DIAPH2: variants seen among roughly 807,000 people sequenced by gnomAD.
DIAPH2 encodes the protein protein diaphanous homolog 2.
Under a neutral mutation model 92.7 loss-of-function variants are expected in DIAPH2, and 35 were observed. The observed-to-expected ratio is 0.38, with a 90% CI of 0.29 to 0.50. The LOEUF (loss-of-function observed/expected upper bound fraction) is 0.50, where lower values mean the gene tolerates loss of function less well. DIAPH2 is among the 20% of genes least tolerant of loss of function. The pLI, the probability that DIAPH2 is intolerant of heterozygous loss-of-function variation, is 0.94. For missense variants in DIAPH2, 701 were observed against 819.5 expected (o/e 0.86, Z 1.77); for synonymous variants, 301 against 280.4 (o/e 1.07, Z -0.73).
At chrX:96,840,557 C>T (rs1251708203) in intron 4 of DIAPH2, among the ~76,000 whole-genome samples, 1 of 111,255 alleles carries the variant, frequency 9.0e-6, no homozygotes, top group Non-Finnish European at 1.9e-5. Context: ...TCTTACATTT[C>T]TTTCTCTCTT....
chrX:96,693,997 T>C (rs536538575), intron 1 of DIAPH2, among the ~76,000 whole-genome samples: 1 of 112,709 alleles, frequency 8.9e-6, no homozygotes, highest in African/African-American at 3.2e-5. Context: ...ATTGCACCAT[T>C]GTACTCTAGC....
chrX:97,161,430 T>C (rs1014185059), intron 22 of DIAPH2, among the ~76,000 whole-genome samples: 3 of 110,434 alleles, frequency 2.7e-5, no homozygotes, highest in African/African-American at 9.9e-5. Context: ...TTGAGAAGTC[T>C]CACTCTGTCA....
chrX:96,919,864 ATTATTTATTTAT>A (rs60595365), intron 9 of DIAPH2, among the ~76,000 whole-genome samples: 90 of 100,250 alleles, frequency 9.0e-4, no homozygotes, highest in Middle Eastern at 0.01. Flanking sequence ...TGTCAAATGT[ATTATTTATTTAT>A]TTATTTATTT....
chrX:97,131,812 A>G (rs899967669), intron 21 of DIAPH2, among the ~76,000 whole-genome samples: 1 of 112,438 alleles, frequency 8.9e-6, no homozygotes, highest in Non-Finnish European at 1.9e-5. Flanking sequence ...AGCATATGAA[A>G]GTACCAGAAC....
At position 97,186,420 on chromosome X, in the gene DIAPH2, G is replaced by C. The variant is rs183717835; in HGVS notation, c.2719+44626G>C. On this transcript the variant is annotated intron_variant, in intron 22 of 26. Coordinates refer to ENST00000324765, the MANE Select transcript of DIAPH2 (RefSeq NM_006729.5). The stretch of plus-strand genomic sequence containing the variant: ...CTGTACTAATATCCAGTTCTTATGC[G>C]TGTTCCTTTCCCACAATGGTATCCA... Among the ~76,000 whole-genome samples, 324 of 111,320 alleles carry C rather than the reference G, an allele frequency of 2.9e-3. 1 individual carries two copies. The highest frequency in any genetic ancestry group is 0.019 in the Middle Eastern group (4 of 216).
At chrX:97,332,600 GTAGGAAAAATACTTATAAAA>G (rs2069011207) in intron 23 of DIAPH2, among the ~76,000 whole-genome samples, 1 of 111,602 alleles carries the variant, frequency 9.0e-6, no homozygotes, top group Non-Finnish European at 1.9e-5. Flanking sequence ...GAAAATAAGT[GTAGGAAAAATACTTATAAAA>G]TGGGAAAAAT....
intron 22 of DIAPH2, among the ~76,000 whole-genome samples, chrX:97,176,797 G>A (rs1202293921): frequency 8.1e-5 from 9 of 111,725 alleles, no homozygotes; most frequent in African/African-American, 2.9e-4. Flanking sequence ...AAAGTGCTGG[G>A]ATTACAGGCG....
intron 5 of DIAPH2, chrX:96,884,197 C>T: frequency 3.4e-6 from 2 of 580,416 alleles, no homozygotes; most frequent in Non-Finnish European, 5.3e-6. Context: ...GCCTTTCGGA[C>T]AGCTCGAAGC....
Position 96,996,307 on chromosome X carries a change from A to T in DIAPH2, c.2050+31100A>T, listed in dbSNP as rs186835431. ...GATTGACCTAGTTAATTTTAATTTC[A>T]TACAATTCATAAAAGTTATGTTAGT... On this transcript the variant is annotated intron_variant, in intron 17 of 26. Transcript: ENST00000324765. 1.2e-4 allele frequency among the ~76,000 whole-genome samples: 13 copies of T among 112,365 alleles called. No individual in the cohort carries two copies. The East Asian group carries it at 3.6e-3, about 31-fold the overall frequency.
In DIAPH2 at chrX:97,440,003, T is replaced by C. The variant is rs917710528; in HGVS notation, c.3241+10258T>C. The stretch of plus-strand genomic sequence containing the variant: ...AACATCCAGGTGATAGTTAATAACA[T>C]GAGGGTGGGTCAGATAATCTCTGGA... On this transcript the variant is annotated intron_variant, in intron 26 of 26. Transcript: ENST00000324765. Among the ~76,000 whole-genome samples the C allele has an allele frequency of 2.7e-5, 3 of 110,897 alleles. No homozygotes were observed. The Admixed American group carries it at 2.9e-4, about 11-fold the overall frequency.
intron 4 of DIAPH2, among the ~76,000 whole-genome samples, chrX:96,766,227 A>G (rs1602490638): frequency 9.2e-6 from 1 of 108,578 alleles, no homozygotes; most frequent in Non-Finnish European, 1.9e-5. Flanking sequence ...ATATATATAT[A>G]TACACATATA....
chrX:97,553,667 TAAA>T lies in DIAPH2; in HGVS notation c.3242-45570_3242-45568del, dbSNP rs370885893. On this transcript the variant is annotated intron_variant, in intron 26 of 26. Transcript: ENST00000324765. ...AAAAAACTTAATGCAGTGAGTAGGT[TAAA>T]AAAAAAAAAAAAAAAGAAGAAGAAG... Among the ~76,000 whole-genome samples the T allele has an allele frequency of 5.8e-3, 500 of 86,818 alleles. 1 individual carries two copies. The highest frequency in any genetic ancestry group is 0.013 in the African/African-American group (301 of 23,206). 75.4% of individuals were successfully genotyped at this position (86,818 alleles called of 115,157 possible).
intron 17 of DIAPH2, among the ~76,000 whole-genome samples, chrX:97,006,761 T>C (rs1214061154): frequency 1.8e-5 from 2 of 111,904 alleles, no homozygotes; most frequent in East Asian, 5.6e-4. Flanking sequence ...TTAGTGCACT[T>C]ACATTCAATG....
At chrX:97,285,458 G>A (rs552659310) in intron 23 of DIAPH2, among the ~76,000 whole-genome samples, 3 of 106,596 alleles carry the variant, frequency 2.8e-5, no homozygotes, top group African/African-American at 1.0e-4. Flanking sequence ...CAAATGCTAT[G>A]TTGCATCTTT....
At chrX:96,815,587 A>G (rs887922770) in intron 4 of DIAPH2, among the ~76,000 whole-genome samples, 1 of 112,315 alleles carries the variant, frequency 8.9e-6, no homozygotes, top group African/African-American at 3.2e-5. Context: ...TTAGAAATGC[A>G]GAAATCACTG....
At chrX:96,733,381 G>A (rs1156829295) in intron 1 of DIAPH2, among the ~76,000 whole-genome samples, 1 of 111,068 alleles carries the variant, frequency 9.0e-6, no homozygotes, top group Non-Finnish European at 1.9e-5. Flanking sequence ...TGGAGAAAGA[G>A]CATTCCAGGC....
In DIAPH2 at chrX:97,509,698, C is replaced by T. The variant is rs1167791709; in HGVS notation, c.3241+79953C>T. Reference sequence around the variant, plus strand: ...AACAGTCCCCAGAGTGTGATGTTCCCCTTCCTGTGTCCATGTGTTCTCGTT... The same window carrying T: ...AACAGTCCCCAGAGTGTGATGTTCCTCTTCCTGTGTCCATGTGTTCTCGTT... On this transcript the variant is annotated intron_variant, in intron 26 of 26. Transcript: ENST00000324765. Among the ~76,000 whole-genome samples, 8 of 105,845 alleles carry T rather than the reference C, an allele frequency of 7.6e-5. No homozygotes were observed. The East Asian group carries it at 1.8e-3, about 24-fold the overall frequency. The allele number at this position is 105,845 out of a possible 115,157, so 91.9% of individuals were successfully genotyped here. A position where few individuals can be genotyped will look rare whatever the true frequency, so the allele number is the denominator to read the frequency against.
At chrX:96,995,823 A>G (rs903663200) in intron 17 of DIAPH2, among the ~76,000 whole-genome samples, 3 of 109,852 alleles carry the variant, frequency 2.7e-5, no homozygotes, top group South Asian at 3.9e-4. Context: ...TCAGAAGAAT[A>G]TATGAAGAGT....
chrX:97,027,637 T>C (rs2066344475), intron 17 of DIAPH2, among the ~76,000 whole-genome samples: 1 of 112,240 alleles, frequency 8.9e-6, no homozygotes, highest in Non-Finnish European at 1.9e-5. Context: ...CAGGAATTAT[T>C]TGTATGTTCC....
Sources: allele counts gnomAD v4.1 joint callset (sites outside exome capture counted in the v4.1 genomes callset), GRCh38; gene constraint gnomAD v4.1.1; transcripts MANE v1.5; gene names NCBI Gene and HGNC (gene_info 2026-07-23, HGNC 2026-07-21).